SETD2: variants seen among roughly 807,000 people sequenced by gnomAD.
SETD2 encodes the protein histone-lysine N-methyltransferase SETD2.
Under a neutral mutation model 242.1 loss-of-function variants are expected in SETD2, and 31 were observed. The observed-to-expected ratio is 0.13, with a 90% CI of 0.10 to 0.17. SETD2 has a LOEUF of 0.17. SETD2 is among the 10% of genes least tolerant of loss of function. The pLI is 1.00. For missense variants in SETD2, 2,481 were observed against 3,046.3 expected (o/e 0.81, Z 4.37); for synonymous variants, 1,006 against 1,066.5 (o/e 0.94, Z 1.11).
In SETD2 at chr3:47,124,300, C is replaced by T. The variant is rs965088151; in HGVS notation, c.336G>A (p.Ser112=). 11 of 1,551,562 alleles carry T rather than the reference C, an allele frequency of 7.1e-6. No homozygotes were observed. Among genetic ancestry groups the T allele is most frequent in the African/African-American group, 5.5e-5 (4 of 73,020 alleles). ...CAATTTCCATTTTCATTTTAGGAGT[C>T]GAGTCTACCTGAAGAGGTACAGCTG... ...NPPAVPLQVD[S]TPKMKMEIGD... The change falls in exon 3 of 21, where the codon TCG becomes TCA. Residue 112 remains serine (S), a synonymous_variant. Coordinates refer to ENST00000409792, the MANE Select transcript of SETD2 (RefSeq NM_014159.7).
chr3:47,139,099 CTAAT>C lies in SETD2; in HGVS notation c.72-12440_72-12437del, dbSNP rs1308924191. ...CTCCCTCCCAAGTCTCCTCAGCTGG[CTAAT>C]TTTCTTTAACTTTTTATAGAGACGG... On this transcript the variant is annotated intron_variant, in intron 1 of 20. Transcript: ENST00000409792. 3.3e-5 allele frequency among the ~76,000 whole-genome samples: 5 copies of C among 152,250 alleles called. No homozygotes were observed. The East Asian group carries it at 9.6e-4, about 29-fold the overall frequency.
intron 1 of SETD2, among the ~76,000 whole-genome samples, chr3:47,162,238 G>C (rs1227392394): frequency 6.6e-6 from 1 of 152,138 alleles, no homozygotes; most frequent in African/African-American, 2.4e-5. Flanking sequence ...ATGTTACTTT[G>C]TACAGAGCAA....
At chr3:47,111,089 A>G (rs2042631660) in intron 5 of SETD2, among the ~76,000 whole-genome samples, 1 of 142,664 alleles carries the variant, frequency 7.0e-6, no homozygotes, top group African/African-American at 2.7e-5. Flanking sequence ...TAAAAAAAAA[A>G]AAAAAAAAAA....
In SETD2 at chr3:47,121,565, C is replaced by G. The variant is rs2106654293; in HGVS notation, c.3071G>C (p.Ser1024Thr). ...AGACACAATTTCTGGGGCATGACCACTACTGTCACACTTTAATGCATAAGT... is the reference window on the plus strand; with the variant it reads ...AGACACAATTTCTGGGGCATGACCAGTACTGTCACACTTTAATGCATAAGT... ...GVTYALKCDS[S>T]GHAPEIVSTV... The change falls in exon 3 of 21, where the codon AGT (serine) becomes ACT (threonine). Residue 1024 changes from serine to threonine, a missense_variant. Transcript: ENST00000409792. 6.2e-7 allele frequency: 1 copy of G among 1,614,128 alleles called. No individual in the cohort carries two copies. The highest frequency in any genetic ancestry group is 8.5e-7 in the Non-Finnish European group (1 of 1,180,004).
At chr3:47,149,810 A>G (rs2043941448) in intron 1 of SETD2, among the ~76,000 whole-genome samples, 1 of 152,196 alleles carries the variant, frequency 6.6e-6, no homozygotes. Context: ...TAGTTGTTCT[A>G]AACATTAGGT....
chr3:47,061,971 C>T (rs901079933), intron 14 of SETD2, among the ~76,000 whole-genome samples, 192 bp downstream of exon 14: 1 of 152,178 alleles, frequency 6.6e-6, no homozygotes, highest in African/African-American at 2.4e-5. Context: ...ACCTATTAAT[C>T]TTCACAGCTA....
intron 5 of SETD2, among the ~76,000 whole-genome samples, chr3:47,106,601 C>T (rs997149537): frequency 6.8e-6 from 1 of 147,452 alleles, no homozygotes; most frequent in African/African-American, 2.5e-5. Context: ...CACCTGAGGT[C>T]ACAAGTTCGA....
chr3:47,137,519 G>A (rs1442674963), intron 1 of SETD2, among the ~76,000 whole-genome samples: 1 of 151,936 alleles, frequency 6.6e-6, no homozygotes, highest in Admixed American at 6.6e-5. Flanking sequence ...ATAAGAGTTG[G>A]TTGTTTATTT....
intron 18 of SETD2, among the ~76,000 whole-genome samples, chr3:47,031,094 G>A (rs1483734755): frequency 5.9e-5 from 9 of 152,250 alleles, no homozygotes. Context: ...GAAGAGGGAT[G>A]AGGAGAGAAG....
In SETD2 at chr3:47,149,342, C is replaced by T. The variant is rs192339015; in HGVS notation, c.71+14512G>A. Reference sequence around the variant, plus strand: ...AAATTAGAGGCACTAGCTCCCCTTGCCCTTTTAAAATCACACTCATGGCAA... The same window carrying T: ...AAATTAGAGGCACTAGCTCCCCTTGTCCTTTTAAAATCACACTCATGGCAA... On this transcript the variant is annotated intron_variant, in intron 1 of 20. Coordinates refer to ENST00000409792, the MANE Select transcript of SETD2 (RefSeq NM_014159.7). Among the ~76,000 whole-genome samples the T allele has an allele frequency of 2.8e-3, 426 of 152,046 alleles. 2 individuals carry two copies. The highest frequency in any genetic ancestry group is 4.5e-3 in the Non-Finnish European group (303 of 68,000).
chr3:47,087,450 C>T (rs1041177826), intron 10 of SETD2, among the ~76,000 whole-genome samples: 2 of 152,126 alleles, frequency 1.3e-5, no homozygotes, highest in Non-Finnish European at 2.9e-5. Flanking sequence ...CAATAGGGTT[C>T]GTGCTCCTAT....
chr3:47,145,230 A>C (rs1230480436), intron 1 of SETD2, among the ~76,000 whole-genome samples: 2 of 152,178 alleles, frequency 1.3e-5, no homozygotes, highest in Non-Finnish European at 2.9e-5. Flanking sequence ...GAATATCTGC[A>C]TATACACGAG....
intron 18 of SETD2, among the ~76,000 whole-genome samples, chr3:47,031,713 T>C (rs1296957870): frequency 6.6e-6 from 1 of 152,176 alleles, no homozygotes; most frequent in Non-Finnish European, 1.5e-5. Context: ...AATGTGTAGG[T>C]ACAAAGAGTA....
chr3:47,106,846 G>A lies in SETD2; in HGVS notation c.4716-726C>T, dbSNP rs114714741. On this transcript the variant is annotated intron_variant, in intron 5 of 20. Coordinates refer to ENST00000409792, the MANE Select transcript of SETD2 (RefSeq NM_014159.7). Reference sequence around the variant, plus strand: ...AAAAAAGGAAAAAGAAAAAGAAGAAGGCAACTTAAATATAGCAGCCCTTCT... The same window carrying A: ...AAAAAAGGAAAAAGAAAAAGAAGAAAGCAACTTAAATATAGCAGCCCTTCT... 1.0e-2 allele frequency among the ~76,000 whole-genome samples: 1,507 copies of A among 150,820 alleles called. 31 individuals are homozygous for A. The highest frequency in any genetic ancestry group is 0.035 in the African/African-American group (1,453 of 41,158).
At chr3:47,113,728 A>T in intron 5 of SETD2, 148 bp downstream of exon 5, 1 of 610,770 alleles carries the variant, frequency 1.6e-6, no homozygotes, top group Non-Finnish European at 2.6e-6. Context: ...AGTTCCAGCT[A>T]CTTGAGAGGC....
chr3:47,115,004 A>G (rs1353120687), intron 4 of SETD2, among the ~76,000 whole-genome samples: 2 of 152,104 alleles, frequency 1.3e-5, no homozygotes, highest in Non-Finnish European at 2.9e-5. Context: ...TTTGCTCTAG[A>G]GTGAGGCAGT....
intron 17 of SETD2, chr3:47,041,396 C>A: frequency 2.2e-6 from 1 of 447,032 alleles, no homozygotes; most frequent in South Asian, 1.6e-5. Context: ...GCCTGTCATC[C>A]CAGCATTTTG....
intron 5 of SETD2, among the ~76,000 whole-genome samples, chr3:47,109,429 G>A (rs1342947902): frequency 6.6e-6 from 1 of 152,062 alleles, no homozygotes; most frequent in East Asian, 1.9e-4. Flanking sequence ...GAGGATCACT[G>A]GAGCTTAGGA....
In SETD2 at chr3:47,121,122, T is replaced by A. The variant is rs2106640335; in HGVS notation, c.3514A>T (p.Ser1172Cys). The change falls in exon 3 of 21, where the codon AGT becomes TGT. Residue 1172 changes from serine (S) to cysteine (C), a missense_variant. By Grantham distance (112) the Ser-to-Cys change is moderately radical. Around this residue, in one of 17 missense-constraint regions of SETD2, gnomAD observed 1,300 missense variants for 1,259.2 expected, o/e 1.03. Coordinates refer to ENST00000409792, the MANE Select transcript of SETD2 (RefSeq NM_014159.7). ...GGGTCAGATTTCACATCTGTATGAC[T>A]TGTACTATCAACCCCATCACTCTGA... ...HPQSDGVDST[S>C]HTDVKSDPLG... The A allele has an allele frequency of 6.2e-7, 1 of 1,614,172 alleles. No individual in the cohort carries two copies. Among genetic ancestry groups the A allele is most frequent in the Non-Finnish European group, 8.5e-7 (1 of 1,180,024 alleles).
Sources: gnomAD v4.1 joint callset for allele counts (sites outside exome capture counted in the v4.1 genomes callset) on GRCh38, gnomAD v4.1.1 for gene constraint, gnomAD v4.1.1 regional missense constraint, MANE v1.5 for transcripts, NCBI Gene and HGNC (gene_info 2026-07-23, HGNC 2026-07-21) for gene names.